The following SMAD2 variants were observed in gnomAD, a reference collection of about 807,000 sequenced individuals.
SMAD2 encodes the protein MAD homolog 2.
Under a neutral mutation model 64.4 loss-of-function variants are expected in SMAD2, and 8 were observed. That is an observed-to-expected ratio of 0.12 (90% CI 0.07 to 0.22). The LOEUF is 0.22. SMAD2 is among the 10% of genes least tolerant of loss of function. The probability of loss-of-function intolerance (pLI) is 1.00; values close to 1 mark genes in which losing one functional copy is unlikely to be tolerated. For missense variants in SMAD2, 289 were observed against 561.2 expected, an observed-to-expected ratio of 0.51 and a Z score of 4.90; for synonymous variants, 203 against 195.8, an observed-to-expected ratio of 1.04 and a Z score of -0.31.
chr18:47,928,140 A>C (rs755874745), intron 1 of SMAD2, among the ~76,000 whole-genome samples: 2 of 152,148 alleles, frequency 1.3e-5, no homozygotes, highest in Non-Finnish European at 2.9e-5. Context: ...AAGAATATGA[A>C]TAAATCTCCA....
At chr18:47,880,113 ATTTT>A (rs1255220218) in intron 2 of SMAD2, among the ~76,000 whole-genome samples, 1 of 152,108 alleles carries the variant, frequency 6.6e-6, no homozygotes, top group East Asian at 1.9e-4. Flanking sequence ...ACTCTGACTT[ATTTT>A]TTAACAATGT....
At chr18:47,889,946 C>A (rs978741431) in intron 2 of SMAD2, among the ~76,000 whole-genome samples, 1 of 152,054 alleles carries the variant, frequency 6.6e-6, no homozygotes, top group African/African-American at 2.4e-5. Flanking sequence ...GATAAAATTA[C>A]AGAAATTGAT....
rs1413886373 is a variant in SMAD2, at chr18:47,850,619, ATAT to A, written c.784+652_784+654del. ...ATATATTATGTATAATATATATTAT[ATAT>A]TATATATATATTATATATATTATGT... On this transcript the variant is annotated intron_variant, in intron 7 of 10. Transcript: ENST00000262160. 5.1e-3 allele frequency among the ~76,000 whole-genome samples: 187 copies of A among 36,472 alleles called. 22 individuals are homozygous for A. The highest frequency in any genetic ancestry group is 0.026 in the Middle Eastern group (1 of 38). The allele number at this position is 36,472 out of a possible 152,430, so 23.9% of individuals were successfully genotyped here.
chr18:47,895,502 T>C (rs148918846), intron 2 of SMAD2: 2 of 152,394 alleles, frequency 1.3e-5, no homozygotes, highest in East Asian at 1.9e-4. Context: ...GGCAGGAGTT[T>C]TGTGTTTTGT....
intron 1 of SMAD2, among the ~76,000 whole-genome samples, chr18:47,909,808 AAT>A (rs1171125518): frequency 6.6e-6 from 1 of 152,198 alleles, no homozygotes; most frequent in Non-Finnish European, 1.5e-5. Flanking sequence ...GACATTGGAC[AAT>A]GTCGCTGGTA....
rs1284896799 is a variant in SMAD2 at position 47,820,790 on chromosome 18, TTACA to T, written c.*21033_*21036del. On this transcript the variant is annotated 3_prime_UTR_variant, in exon 11 of 11. Coordinates refer to ENST00000262160, the MANE Select transcript of SMAD2 (RefSeq NM_005901.6). ...AGAATGAAATCATAAGACATTGAGC[TTACA>T]TATATACTTGTACATATGTATATGT... 1 of 152,112 alleles carries T rather than the reference TTACA, an allele frequency of 6.6e-6. No homozygotes were observed. Among genetic ancestry groups the T allele is most frequent in the Non-Finnish European group, 1.5e-5 (1 of 68,004 alleles). 9.4% of individuals were successfully genotyped at this position (152,112 alleles called of 1,614,324 possible).
chr18:47,883,269 A>AT (rs2032713114), intron 2 of SMAD2, among the ~76,000 whole-genome samples: 2 of 152,314 alleles, frequency 1.3e-5, no homozygotes, highest in South Asian at 4.1e-4. Flanking sequence ...TGAATAACCC[A>AT]TAAGTCAGAA....
rs1257943487 is a variant in SMAD2 at position 47,840,310 on chromosome 18, T to C, written c.*1517A>G. On this transcript the variant is annotated 3_prime_UTR_variant, in exon 11 of 11. Transcript: ENST00000262160. ...ACCAGGAGTGGTTATTTTCCATTTCTACTAAGATGCAAACAAGAAGAAATG... is the reference window on the plus strand; with the variant it reads ...ACCAGGAGTGGTTATTTTCCATTTCCACTAAGATGCAAACAAGAAGAAATG... The C allele has an allele frequency of 4.3e-6, 1 of 232,848 alleles. No homozygotes were observed. Among genetic ancestry groups the C allele is most frequent in the Non-Finnish European group, 8.5e-6 (1 of 117,882 alleles). 14.4% of individuals were successfully genotyped at this position (232,848 alleles called of 1,614,324 possible).
Position 47,809,318 on chromosome 18 carries a change from G to T in SMAD2, c.*32509C>A, listed in dbSNP as rs1912126940. On this transcript the variant is annotated 3_prime_UTR_variant, in exon 11 of 11. Transcript: ENST00000262160. Reference sequence around the variant, plus strand: ...AGCATATGGCAGATGCCAGCTGGTGGTAAAGGAATGACAGTTTTCCAGGCC... The same window carrying T: ...AGCATATGGCAGATGCCAGCTGGTGTTAAAGGAATGACAGTTTTCCAGGCC... The T allele has an allele frequency of 6.6e-6, 1 of 152,376 alleles. No individual in the cohort carries two copies. Among genetic ancestry groups the T allele is most frequent in the Non-Finnish European group, 1.5e-5 (1 of 68,184 alleles). 9.4% of individuals were successfully genotyped at this position (152,376 alleles called of 1,614,324 possible).
Position 47,816,788 on chromosome 18 carries a change from T to A in SMAD2, c.*25039A>T, listed in dbSNP as rs1625400. 6.8e-6 allele frequency: 1 copy of A among 146,212 alleles called. No individual in the cohort carries two copies. Among genetic ancestry groups the A allele is most frequent in the Non-Finnish European group, 1.5e-5 (1 of 66,844 alleles). 9.1% of individuals were successfully genotyped at this position (146,212 alleles called of 1,614,324 possible). ...TCTTTTTTTTTTTTTTTTGGAGACG[T>A]AGTTTTGCACTGTCGCCCAGGCTGG... On this transcript the variant is annotated 3_prime_UTR_variant, in exon 11 of 11. Coordinates refer to ENST00000262160, the MANE Select transcript of SMAD2 (RefSeq NM_005901.6).
At chr18:47,852,051 G>T (rs2030153298) in intron 6 of SMAD2, among the ~76,000 whole-genome samples, 1 of 152,058 alleles carries the variant, frequency 6.6e-6, no homozygotes, top group Admixed American at 6.6e-5. Context: ...ATGAAAACAT[G>T]GTCACAAGTA....
At chr18:47,845,204 A>T (rs1366328569) in intron 10 of SMAD2, 136 bp downstream of exon 10, 4 of 944,050 alleles carry the variant, frequency 4.2e-6, no homozygotes, top group Non-Finnish European at 6.7e-6. Context: ...GGAGGCCTCC[A>T]ACTTTATTTT....
At chr18:47,890,768 G>A (rs926306448) in intron 2 of SMAD2, among the ~76,000 whole-genome samples, 13 of 152,094 alleles carry the variant, frequency 8.5e-5, no homozygotes, top group Non-Finnish European at 1.5e-4. Context: ...ACAGACACAC[G>A]CACATGCCTA....
intron 1 of SMAD2, among the ~76,000 whole-genome samples, chr18:47,914,540 T>C (rs576827657): frequency 1.4e-4 from 22 of 152,316 alleles, no homozygotes; most frequent in African/African-American, 4.8e-4. Flanking sequence ...ATTAAGTTTC[T>C]AAAAGAAAGA....
intron 1 of SMAD2, among the ~76,000 whole-genome samples, chr18:47,920,654 A>G (rs2034524836): frequency 6.6e-6 from 1 of 152,228 alleles, no homozygotes; most frequent in Non-Finnish European, 1.5e-5. Flanking sequence ...TGACTTTTAT[A>G]CCATGTGCAT....
intron 6 of SMAD2, among the ~76,000 whole-genome samples, chr18:47,851,601 G>T (rs1471442494): frequency 1.3e-5 from 2 of 152,014 alleles, no homozygotes; most frequent in Non-Finnish European, 2.9e-5. Flanking sequence ...GGTTCCTTGG[G>T]TATCTTTCCA....
chr18:47,854,179 G>A (rs1047370405), intron 6 of SMAD2, among the ~76,000 whole-genome samples: 21 of 151,630 alleles, frequency 1.4e-4, no homozygotes, highest in Non-Finnish European at 2.6e-4. Context: ...CCTACCACAG[G>A]TCTTCCACTT....
Position 47,872,201 on chromosome 18 carries a change from T to C in SMAD2, c.237-1637A>G, listed in dbSNP as rs146339405. On this transcript the variant is annotated intron_variant, in intron 2 of 10. Transcript: ENST00000262160. ...GTATATTTAAGCCTCAGTTCCATCA[T>C]TATCATGCCTAACAAAATTGGAAGG... Among the ~76,000 whole-genome samples the C allele has an allele frequency of 3.3e-4, 50 of 152,314 alleles. No homozygotes were observed. In the East Asian group the frequency reaches 8.5e-3, roughly 26 times the overall value.
In SMAD2 at chr18:47,823,269, G is replaced by A. The variant is rs1912635304; in HGVS notation, c.*18558C>T. The A allele has an allele frequency of 6.6e-6, 1 of 152,144 alleles. No homozygotes were observed. The highest frequency in any genetic ancestry group is 2.4e-5 in the African/African-American group (1 of 41,416). The allele number at this position is 152,144 out of a possible 1,614,324, so 9.4% of individuals were successfully genotyped here. On this transcript the variant is annotated 3_prime_UTR_variant, in exon 11 of 11. Coordinates refer to ENST00000262160, the MANE Select transcript of SMAD2 (RefSeq NM_005901.6). The stretch of plus-strand genomic sequence containing the variant: ...TAGCCTCAAGGAGGTTTTTAAATCT[G>A]AGATTACTGTGACCATACTACTATT...
Sources: gnomAD v4.1 joint callset for allele counts (sites outside exome capture counted in the v4.1 genomes callset) on GRCh38, gnomAD v4.1.1 for gene constraint, MANE v1.5 for transcripts, NCBI Gene and HGNC (gene_info 2026-07-23, HGNC 2026-07-21) for gene names.